PCDHA4: variants seen among roughly 807,000 people sequenced by gnomAD.
PCDHA4 encodes the protein protocadherin alpha 4.
PCDHA4 carries 49 observed loss-of-function variants against 61.4 expected under a neutral mutation model. The ratio of observed to expected loss-of-function variants is 0.80; its 90% CI spans 0.63 to 1.01. The LOEUF (loss-of-function observed/expected upper bound fraction) is 1.01, where lower values mean the gene tolerates loss of function less well. PCDHA4 is among the 50% of genes least tolerant of loss of function. PCDHA4 has a pLI of 0.00. For missense variants in PCDHA4, 1,254 were observed against 1,235.8 expected, an observed-to-expected ratio of 1.01 and a Z score of -0.22; for synonymous variants, 590 against 550.3, an observed-to-expected ratio of 1.07 and a Z score of -1.01.
chr5:140,807,875 A>C lies in PCDHA4; in HGVS notation c.688A>C (p.Ile230Leu). 6.2e-7 allele frequency: 1 copy of C among 1,614,190 alleles called. No homozygotes were observed. Among genetic ancestry groups the C allele is most frequent in the Non-Finnish European group, 8.5e-7 (1 of 1,180,004 alleles). The change falls in exon 1 of 4, where the codon ATC (isoleucine) becomes CTC (leucine). Residue 230 changes from isoleucine (I) to leucine (L), a missense_variant. By Grantham distance (5) the Ile-to-Leu change is conservative. Coordinates refer to ENST00000530339, the MANE Select transcript of PCDHA4 (RefSeq NM_018907.4). Reference protein sequence around the residue: ...PELTGTVQLLITVLDANDNAP... With the variant: ...PELTGTVQLLLTVLDANDNAP... ...GTTGACTGGCACCGTTCAGTTACTC[A>C]TCACAGTACTGGATGCCAATGACAA...
At chr5:141,002,807 C>T (rs1297773193) in intron 3 of PCDHA4, among the ~76,000 whole-genome samples, 1 of 152,152 alleles carries the variant, frequency 6.6e-6, no homozygotes, top group Non-Finnish European at 1.5e-5. Flanking sequence ...GAAACTGAGG[C>T]TCAGAGATAT....
In PCDHA4 at chr5:140,858,143, A is replaced by T. The variant is rs781919234; in HGVS notation, c.2385+48571A>T. 1.9e-6 allele frequency: 3 copies of T among 1,597,218 alleles called. No homozygotes were observed. The South Asian group carries it at 3.3e-5, about 18-fold the overall frequency. On this transcript the variant is annotated intron_variant, in intron 1 of 3. Transcript: ENST00000530339. The stretch of plus-strand genomic sequence containing the variant: ...CCTGGTGGATGTCAACGTGTACCTG[A>T]TCATCGCCATCTGCGCGGTGTCCAG...
chr5:140,842,142 A>G (rs2150330261), intron 1 of PCDHA4: 7 of 1,613,746 alleles, frequency 4.3e-6, no homozygotes, highest in Middle Eastern at 1.6e-4. Context: ...GAAGGAGCCA[A>G]TGGGGCAATT....
chr5:140,953,873 A>G (rs537538688), intron 1 of PCDHA4, among the ~76,000 whole-genome samples: 53 of 152,258 alleles, frequency 3.5e-4, no homozygotes, highest in African/African-American at 1.3e-3. Context: ...TGCTGCACAG[A>G]TCAACCCATC....
chr5:140,822,384 A>G, intron 1 of PCDHA4: 1 of 1,614,130 alleles, frequency 6.2e-7, no homozygotes, highest in Admixed American at 1.7e-5. Flanking sequence ...ATAGAGAAGA[A>G]ACACAAGAAC....
chr5:140,827,842 A>G (rs1769428181), intron 1 of PCDHA4: 1 of 458,490 alleles, frequency 2.2e-6, no homozygotes, highest in Non-Finnish European at 3.7e-6. Flanking sequence ...AAAAGAAGAT[A>G]CTGTTTTAAA....
intron 1 of PCDHA4, chr5:140,830,393 G>T (rs1388629889): frequency 4.3e-6 from 7 of 1,614,072 alleles, no homozygotes; most frequent in African/African-American, 1.3e-5. Flanking sequence ...ACCCAAGATG[G>T]ATCTCATGGC....
At chr5:141,005,633 C>T (rs1292206901) in intron 3 of PCDHA4, among the ~76,000 whole-genome samples, 2 of 126,368 alleles carry the variant, frequency 1.6e-5, no homozygotes. Context: ...ACCCGGGAGG[C>T]GGAGCTTGCA....
chr5:140,813,642 T>G (rs1554126262), intron 1 of PCDHA4: 2 of 152,226 alleles, frequency 1.3e-5, no homozygotes. Context: ...GACATTACTG[T>G]GCACTAATGT....
chr5:140,851,076 A>C (rs782314087), intron 1 of PCDHA4: 1 of 1,337,516 alleles, frequency 7.5e-7, no homozygotes, highest in Non-Finnish European at 9.8e-7. Flanking sequence ...AGAATTATAA[A>C]CTGTATATTA....
At chr5:140,882,749 G>C (rs1393099675) in intron 1 of PCDHA4, 1 of 1,614,126 alleles carries the variant, frequency 6.2e-7, no homozygotes, top group Non-Finnish European at 8.5e-7. Flanking sequence ...ATCCGATGCA[G>C]ATATTGGAGT....
At chr5:140,986,081 A>AT (rs2097186605) in intron 3 of PCDHA4, among the ~76,000 whole-genome samples, 1 of 152,010 alleles carries the variant, frequency 6.6e-6, no homozygotes, top group South Asian at 2.1e-4. Context: ...CTGTTCATTT[A>AT]TTTTCACAGT....
At chr5:140,941,957 A>G (rs1254816482) in intron 1 of PCDHA4, among the ~76,000 whole-genome samples, 1 of 152,234 alleles carries the variant, frequency 6.6e-6, no homozygotes, top group Non-Finnish European at 1.5e-5. Flanking sequence ...TGAAAACAAT[A>G]GTATCTTTAC....
chr5:140,937,229 G>A (rs2091424119), intron 1 of PCDHA4, among the ~76,000 whole-genome samples: 1 of 151,784 alleles, frequency 6.6e-6, no homozygotes, highest in Non-Finnish European at 1.5e-5. Flanking sequence ...TGTAGAGACG[G>A]GGTTTCACCG....
intron 1 of PCDHA4, chr5:140,862,621 C>G (rs1452170238): frequency 1.9e-6 from 1 of 528,602 alleles, no homozygotes; most frequent in Admixed American, 2.0e-5. Context: ...TAACAACCCG[C>G]GGGGCTGCCA....
intron 1 of PCDHA4, among the ~76,000 whole-genome samples, chr5:140,903,309 A>C (rs1435676177): frequency 6.6e-6 from 1 of 152,226 alleles, no homozygotes; most frequent in Non-Finnish European, 1.5e-5. Context: ...GTATACAATA[A>C]AGACAGCATT....
At position 140,850,380 on chromosome 5, in the gene PCDHA4, G is replaced by A. The variant is rs1554144242; in HGVS notation, c.2385+40808G>A. On this transcript the variant is annotated intron_variant, in intron 1 of 3. Transcript: ENST00000530339. ...CCCGTTCCGCGTGGGGCTGTACACG[G>A]GCGAGATCAGCACAACGCGTGCCCT... 2.5e-6 allele frequency: 4 copies of A among 1,597,780 alleles called. 1 individual carries two copies. Among genetic ancestry groups the A allele is most frequent in the East Asian group, 2.2e-5 (1 of 44,840 alleles).
chr5:140,852,582 ATT>A (rs527656692), intron 1 of PCDHA4: 197 of 691,142 alleles, frequency 2.9e-4, no homozygotes, highest in Middle Eastern at 7.5e-4. Context: ...AGGCTTTTTT[ATT>A]TTTTTTTTTT....
chr5:140,875,749 G>C, intron 1 of PCDHA4: 1 of 1,614,264 alleles, frequency 6.2e-7, no homozygotes, highest in Non-Finnish European at 8.5e-7. Flanking sequence ...GATCGACCGC[G>C]AGAAGCTGTG....
Sources: gnomAD v4.1 joint callset for allele counts (sites outside exome capture counted in the v4.1 genomes callset) on GRCh38, gnomAD v4.1.1 for gene constraint, MANE v1.5 for transcripts, NCBI Gene and HGNC (gene_info 2026-07-23, HGNC 2026-07-21) for gene names.